The following TNFRSF11A variants were observed in gnomAD, a reference collection of about 807,000 sequenced individuals.
TNFRSF11A encodes tumor necrosis factor receptor superfamily member 11A.
TNFRSF11A carries 32 observed loss-of-function variants against 55.7 expected under a neutral mutation model. The observed-to-expected ratio is 0.57, with a 90% CI of 0.43 to 0.77. The LOEUF is 0.77. TNFRSF11A is among the 30% of genes least tolerant of loss of function. The pLI, the probability that TNFRSF11A is intolerant of heterozygous loss-of-function variation, is 0.00. For missense variants in TNFRSF11A, 753 were observed against 809.8 expected (o/e 0.93, Z 0.85); for synonymous variants, 311 against 331.0 (o/e 0.94, Z 0.65).
chr18:62,343,191 T>G (rs535556007), intron 1 of TNFRSF11A, among the ~76,000 whole-genome samples: 1 of 152,244 alleles, frequency 6.6e-6, no homozygotes, highest in African/African-American at 2.4e-5. Flanking sequence ...ACTGAAGTTA[T>G]AGCCAAATTC....
chr18:62,353,324 A>T (rs969628609), intron 3 of TNFRSF11A, among the ~76,000 whole-genome samples: 1 of 152,200 alleles, frequency 6.6e-6, no homozygotes, highest in African/African-American at 2.4e-5. Context: ...GCCTGAGTGA[A>T]GCTTCTCTAA....
At chr18:62,361,880 T>TCAAC in intron 7 of TNFRSF11A, 87 bp downstream of exon 7, 1 of 1,188,910 alleles carries the variant, frequency 8.4e-7, no homozygotes, top group Non-Finnish European at 1.3e-6. Flanking sequence ...GATTGTCTAC[T>TCAAC]TGCTGCCTAT....
intron 4 of TNFRSF11A, chr18:62,357,809 T>G (rs1909374220): frequency 4.0e-6 from 1 of 253,030 alleles, no homozygotes; most frequent in Admixed American, 4.8e-5. Flanking sequence ...TGCCATTCCC[T>G]GCAGACAGAG....
chr18:62,376,443 G>A (rs1477815384), intron 9 of TNFRSF11A, among the ~76,000 whole-genome samples: 4 of 151,924 alleles, frequency 2.6e-5, no homozygotes, highest in Admixed American at 6.6e-5. Context: ...AAAAACCTCT[G>A]GTCTTCATGT....
At chr18:62,329,376 C>T (rs1046902743) in intron 1 of TNFRSF11A, among the ~76,000 whole-genome samples, 1 of 152,234 alleles carries the variant, frequency 6.6e-6, no homozygotes, top group Non-Finnish European at 1.5e-5. Context: ...TCTGAGCACA[C>T]AGGCTGCTGA....
intron 3 of TNFRSF11A, among the ~76,000 whole-genome samples, chr18:62,353,837 G>A (rs1351882756): frequency 1.3e-5 from 2 of 152,138 alleles, no homozygotes; most frequent in Non-Finnish European, 2.9e-5. Flanking sequence ...AAACAAGCAT[G>A]TTACCCTGAG....
chr18:62,343,352 A>G (rs971407150), intron 1 of TNFRSF11A, among the ~76,000 whole-genome samples: 8 of 152,210 alleles, frequency 5.3e-5, no homozygotes, highest in African/African-American at 1.9e-4. Context: ...TTTTCAGTGG[A>G]GCAAGAAAGT....
intron 1 of TNFRSF11A, among the ~76,000 whole-genome samples, chr18:62,337,236 T>C (rs1354396488): frequency 6.6e-6 from 1 of 152,220 alleles, no homozygotes; most frequent in Non-Finnish European, 1.5e-5. Context: ...GACAAAATGG[T>C]TAATATGGCA....
At chr18:62,348,940 T>TG (rs1318845227) in intron 2 of TNFRSF11A, among the ~76,000 whole-genome samples, 4 of 152,080 alleles carry the variant, frequency 2.6e-5, no homozygotes, top group African/African-American at 9.7e-5. Context: ...GATAGGCGGG[T>TG]GGGGCGCAGC....
chr18:62,328,054 G>A (rs1307902251), intron 1 of TNFRSF11A, among the ~76,000 whole-genome samples: 1 of 152,250 alleles, frequency 6.6e-6, no homozygotes, highest in Non-Finnish European at 1.5e-5. Flanking sequence ...GCATACGCAG[G>A]ACAACAGACA....
At chr18:62,334,313 C>A (rs1202262979) in intron 1 of TNFRSF11A, among the ~76,000 whole-genome samples, 1 of 152,204 alleles carries the variant, frequency 6.6e-6, no homozygotes, top group Non-Finnish European at 1.5e-5. Flanking sequence ...TGAATCACCA[C>A]CACTTCCTGA....
intron 1 of TNFRSF11A, among the ~76,000 whole-genome samples, chr18:62,333,486 C>T (rs960180547): frequency 2.0e-5 from 3 of 152,192 alleles, no homozygotes; most frequent in African/African-American, 7.2e-5. Context: ...TTACAAGTAC[C>T]GGCCATCTGT....
chr18:62,379,251 C>T (rs528827302), intron 9 of TNFRSF11A, among the ~76,000 whole-genome samples: 10 of 152,286 alleles, frequency 6.6e-5, no homozygotes, highest in Admixed American at 1.3e-4. Flanking sequence ...TCCACTCAAC[C>T]CACAGATTAA....
chr18:62,327,184 T>C (rs2046088439), intron 1 of TNFRSF11A, among the ~76,000 whole-genome samples: 1 of 152,122 alleles, frequency 6.6e-6, no homozygotes, highest in Non-Finnish European at 1.5e-5. Context: ...TCCTGTCTCC[T>C]CTCCTGTAAT....
At chr18:62,349,691 T>C (rs899629293) in intron 2 of TNFRSF11A, 121 bp from the exon 3 acceptor site, 7 of 1,153,220 alleles carry the variant, frequency 6.1e-6, no homozygotes, top group African/African-American at 3.1e-5. Flanking sequence ...TGTCCTGGGA[T>C]CATGGGCACC....
At chr18:62,378,971 C>T (rs12954567) in intron 9 of TNFRSF11A, among the ~76,000 whole-genome samples, 5,017 of 152,316 alleles carry the variant, frequency 0.033, 133 homozygotes, top group Non-Finnish European at 0.048. Context: ...ACCACAATGA[C>T]ATTGATGTCA....
At chr18:62,371,992 A>T (rs115685727) in intron 9 of TNFRSF11A, among the ~76,000 whole-genome samples, 12,890 of 133,674 alleles carry the variant, frequency 0.096, 695 homozygotes, top group East Asian at 0.15. Flanking sequence ...CACATCAAAT[A>T]GTTCTGGAGA....
intron 1 of TNFRSF11A, among the ~76,000 whole-genome samples, chr18:62,335,060 T>C (rs2046210149): frequency 6.6e-6 from 1 of 151,816 alleles, no homozygotes; most frequent in Non-Finnish European, 1.5e-5. Context: ...CCCTTTCTAA[T>C]GGGCTGAAGT....
intron 7 of TNFRSF11A, among the ~76,000 whole-genome samples, chr18:62,364,535 G>C (rs1199325443): frequency 6.6e-6 from 1 of 152,126 alleles, no homozygotes; most frequent in Non-Finnish European, 1.5e-5. Flanking sequence ...AGGTCTGCAT[G>C]TTTATCAGCT....
Sources: allele counts gnomAD v4.1 joint callset (sites outside exome capture counted in the v4.1 genomes callset), GRCh38; gene constraint gnomAD v4.1.1; transcripts MANE v1.5; gene names NCBI Gene and HGNC (gene_info 2026-07-23, HGNC 2026-07-21).